Variants in COA1 observed in about 807,000 individuals in gnomAD.
The protein encoded by COA1 is cytochrome c oxidase assembly factor 1.
Under a neutral mutation model 16.0 loss-of-function variants are expected in COA1, and 13 were observed. The ratio of observed to expected loss-of-function variants is 0.81; its 90% CI spans 0.53 to 1.29. The LOEUF is 1.29. Ranked by LOEUF, COA1 falls within the 50% of genes most tolerant of loss-of-function variation. The pLI is 0.00. For missense variants in COA1, 179 were observed against 177.0 expected, an observed-to-expected ratio of 1.01 and a Z score of -0.06; for synonymous variants, 65 against 65.7, an observed-to-expected ratio of 0.99 and a Z score of 0.05.
intron 1 of COA1, chr7:43,657,372 A>T (rs1000708591): frequency 6.6e-6 from 1 of 152,390 alleles, no homozygotes; most frequent in East Asian, 1.9e-4. Flanking sequence ...GCAAGTGGCT[A>T]ACCATTATCC....
intron 1 of COA1, among the ~76,000 whole-genome samples, chr7:43,724,531 A>G (rs1229461653): frequency 6.6e-6 from 1 of 151,982 alleles, no homozygotes; most frequent in Non-Finnish European, 1.5e-5. Flanking sequence ...AGCCTGGGAG[A>G]CAGAGCAAGA....
intron 1 of COA1, among the ~76,000 whole-genome samples, chr7:43,720,387 A>G (rs1260734382): frequency 1.3e-5 from 2 of 152,166 alleles, no homozygotes; most frequent in Admixed American, 6.5e-5. Flanking sequence ...CGTTTTATCT[A>G]AGTATGATGG....
intron 1 of COA1, among the ~76,000 whole-genome samples, chr7:43,669,905 T>C (rs1170331681): frequency 1.3e-5 from 2 of 151,996 alleles, no homozygotes; most frequent in Non-Finnish European, 2.9e-5. Context: ...CAGTGACTCA[T>C]TATGGACAGA....
chr7:43,715,544 T>C (rs1257184491), intron 1 of COA1, among the ~76,000 whole-genome samples: 1 of 152,222 alleles, frequency 6.6e-6, no homozygotes, highest in Non-Finnish European at 1.5e-5. Flanking sequence ...TTAACTATTT[T>C]GGCTGCCTCC....
At chr7:43,720,796 A>G (rs188575404) in intron 1 of COA1, among the ~76,000 whole-genome samples, 1 of 152,354 alleles carries the variant, frequency 6.6e-6, no homozygotes, top group African/African-American at 2.4e-5. Flanking sequence ...TGGAAGTATA[A>G]AGAAAAAGAG....
intron 1 of COA1, among the ~76,000 whole-genome samples, chr7:43,654,065 G>A (rs1375948951): frequency 1.3e-5 from 2 of 152,178 alleles, no homozygotes; most frequent in African/African-American, 4.8e-5. Context: ...AGTGAAGAGA[G>A]AAAGAGAAAC....
At chr7:43,648,399 G>C in intron 2 of COA1, 2 of 682,298 alleles carry the variant, frequency 2.9e-6, no homozygotes, top group South Asian at 3.3e-5. Flanking sequence ...AGCTTCCAAC[G>C]CCAGCATGAG....
intron 1 of COA1, among the ~76,000 whole-genome samples, chr7:43,673,088 T>A (rs2093350272): frequency 6.6e-6 from 1 of 152,184 alleles, no homozygotes; most frequent in Admixed American, 6.5e-5. Context: ...AGGAAATACA[T>A]TCTGGACATA....
At chr7:43,704,837 T>C (rs141197320) in intron 1 of COA1, among the ~76,000 whole-genome samples, 7 of 152,314 alleles carry the variant, frequency 4.6e-5, no homozygotes, top group African/African-American at 1.7e-4. Context: ...GAACCATTGC[T>C]GGGGAGCTAG....
At chr7:43,660,118 T>G (rs2092274800) in intron 1 of COA1, among the ~76,000 whole-genome samples, 1 of 152,186 alleles carries the variant, frequency 6.6e-6, no homozygotes, top group Admixed American at 6.5e-5. Flanking sequence ...CCACCCAGTC[T>G]GTGCTATTTT....
chr7:43,643,514 C>G (rs1398374228), intron 4 of COA1, among the ~76,000 whole-genome samples: 4 of 152,228 alleles, frequency 2.6e-5, no homozygotes, highest in Admixed American at 2.6e-4. Context: ...CCAGCCCTTC[C>G]CTGTGCTCCT....
chr7:43,624,874 T>G, intron 6 of COA1: 1 of 1,538,506 alleles, frequency 6.5e-7, no homozygotes. Flanking sequence ...TCAAGATTTC[T>G]ACATTGAAAA....
intron 1 of COA1, among the ~76,000 whole-genome samples, chr7:43,696,647 T>C (rs927309038): frequency 2.6e-5 from 4 of 152,114 alleles, no homozygotes; most frequent in Non-Finnish European, 5.9e-5. Context: ...GGTGTGTGTG[T>C]AGGCTACATC....
At chr7:43,634,505 A>C (rs1224849179), downstream of COA1, among the ~76,000 whole-genome samples, 1 of 152,174 alleles carries the variant, frequency 6.6e-6, no homozygotes, top group East Asian at 1.9e-4. Flanking sequence ...GGGTCAGGGT[A>C]AAAGTCTAAG....
At chr7:43,614,291 A>G (rs1436408521) in intron 6 of COA1, among the ~76,000 whole-genome samples, 2 of 152,214 alleles carry the variant, frequency 1.3e-5, no homozygotes, top group Admixed American at 6.5e-5. Context: ...TTTTCTGCCT[A>G]TTCCACTGTT....
intron 1 of COA1, among the ~76,000 whole-genome samples, chr7:43,684,521 T>C (rs1429054827): frequency 6.6e-6 from 1 of 152,296 alleles, no homozygotes; most frequent in East Asian, 1.9e-4. Flanking sequence ...GCCTCAGTCA[T>C]CGTGCATTAC....
chr7:43,658,071 T>C (rs548309203), intron 1 of COA1, among the ~76,000 whole-genome samples: 40 of 147,128 alleles, frequency 2.7e-4, no homozygotes, highest in African/African-American at 9.7e-4. Flanking sequence ...TTTATTTATT[T>C]TTTTTAAAAA....
At chr7:43,647,840 G>A (rs2089835948) in intron 2 of COA1, 1 of 578,920 alleles carries the variant, frequency 1.7e-6, no homozygotes. Context: ...TCTCGAGAGT[G>A]GCCCATGTCC....
At chr7:43,713,100 C>T (rs1037631579) in intron 1 of COA1, among the ~76,000 whole-genome samples, 2 of 152,120 alleles carry the variant, frequency 1.3e-5, no homozygotes. Flanking sequence ...TGACAGGATG[C>T]ACCACCATGC....
Sources: allele counts gnomAD v4.1 joint callset (sites outside exome capture counted in the v4.1 genomes callset), GRCh38; gene constraint gnomAD v4.1.1; transcripts MANE v1.5; gene names NCBI Gene and HGNC (gene_info 2026-07-23, HGNC 2026-07-21).